The following IMPG1 variants were observed in gnomAD, a reference collection of about 807,000 sequenced individuals.
IMPG1 encodes the protein interphotoreceptor matrix proteoglycan 1.
A neutral mutation model predicts 92.0 loss-of-function variants in IMPG1; 85 were observed. That is an observed-to-expected ratio of 0.92 (90% CI 0.78 to 1.11). The LOEUF is 1.11. IMPG1 is among the 50% of genes least tolerant of loss of function. IMPG1 has a pLI of 0.00. For missense variants in IMPG1, 1,022 were observed against 956.0 expected, an observed-to-expected ratio of 1.07 and a Z score of -0.91; for synonymous variants, 367 against 334.1, an observed-to-expected ratio of 1.10 and a Z score of -1.08.
intron 8 of IMPG1, among the ~76,000 whole-genome samples, chr6:76,010,413 A>G (rs1468303621): frequency 6.6e-6 from 1 of 152,212 alleles, no homozygotes; most frequent in Non-Finnish European, 1.5e-5. Flanking sequence ...GAACTTACAA[A>G]AAAAGATTTA....
At position 76,015,459 on chromosome 6, in the gene IMPG1, G is replaced by C. The variant is rs367789071; in HGVS notation, c.807+3259C>G. On this transcript the variant is annotated intron_variant, in intron 7 of 16. Transcript: ENST00000369950. ...CCAGGGGTCTCTGGAACAAGATTGG[G>C]CAGGATGTACTCTTCTTTGGCTTAT... Among the ~76,000 whole-genome samples, 208 of 152,260 alleles carry C rather than the reference G, an allele frequency of 1.4e-3. 1 individual carries two copies. The highest frequency in any genetic ancestry group is 4.8e-3 in the African/African-American group (199 of 41,538).
At chr6:76,041,443 A>G (rs1406123030) in intron 2 of IMPG1, among the ~76,000 whole-genome samples, 1 of 152,230 alleles carries the variant, frequency 6.6e-6, no homozygotes, top group East Asian at 1.9e-4. Context: ...CTGCTGGATC[A>G]TCAATACACA....
At chr6:75,981,154 A>T (rs1480170341) in intron 12 of IMPG1, among the ~76,000 whole-genome samples, 4 of 152,194 alleles carry the variant, frequency 2.6e-5, no homozygotes, top group African/African-American at 9.7e-5. Flanking sequence ...CATCCTAATG[A>T]TCCACAGGTG....
chr6:76,031,624 C>G (rs1020291085), intron 4 of IMPG1, among the ~76,000 whole-genome samples: 9 of 151,966 alleles, frequency 5.9e-5, no homozygotes, highest in Non-Finnish European at 1.3e-4. Flanking sequence ...TTATGTAGAC[C>G]ATATTTAACA....
At chr6:76,004,776 C>T (rs1037052122) in intron 10 of IMPG1, among the ~76,000 whole-genome samples, 3 of 152,126 alleles carry the variant, frequency 2.0e-5, no homozygotes, top group East Asian at 1.9e-4. Flanking sequence ...TGGCATACAA[C>T]ATTAGGCAAC....
At position 75,930,985 on chromosome 6, in the gene IMPG1, G is replaced by A. The variant is rs138311408; in HGVS notation, c.2211C>T (p.Cys737=). 50 of 1,614,078 alleles carry A rather than the reference G, an allele frequency of 3.1e-5. No homozygotes were observed. The highest frequency in any genetic ancestry group is 1.6e-4 in the Middle Eastern group (1 of 6,084). Residue 737 remains cysteine, a synonymous_variant, in exon 15 of 17, where the codon TGC becomes TGT. Transcript: ENST00000369950. ...PGLCGPGTKE[C]EVLQGKGAPC... ...GAGCTCCCTTTCCCTGGAGGACCTCGCATTCCTTTGTGCCAGGGCCACAGA... is the reference window on the plus strand; with the variant it reads ...GAGCTCCCTTTCCCTGGAGGACCTCACATTCCTTTGTGCCAGGGCCACAGA...
chr6:76,067,021 C>A (rs1398378520), intron 1 of IMPG1, among the ~76,000 whole-genome samples: 1 of 151,680 alleles, frequency 6.6e-6, no homozygotes, highest in African/African-American at 2.4e-5. Flanking sequence ...CACAACATAC[C>A]TCTGGGATAC....
In IMPG1 at chr6:75,989,550, A is replaced by G. The variant is rs559932971; in HGVS notation, c.1291+13368T>C. Among the ~76,000 whole-genome samples, 16 of 152,348 alleles carry G rather than the reference A, an allele frequency of 1.1e-4. No homozygotes were observed. The South Asian group carries it at 3.3e-3, about 32-fold the overall frequency. On this transcript the variant is annotated intron_variant, in intron 12 of 16. Coordinates refer to ENST00000369950, the MANE Select transcript of IMPG1 (RefSeq NM_001563.4). ...GTATATTTTCTTAAACTCTAAGCAT[A>G]TGCACATCTTGGCCGGGTATGGTGG...
intron 14 of IMPG1, among the ~76,000 whole-genome samples, chr6:75,940,205 T>A (rs1191664040): frequency 2.0e-5 from 3 of 152,204 alleles, no homozygotes; most frequent in African/African-American, 4.8e-5. Context: ...CTGGCCATTT[T>A]AAAAAATCTG....
intron 5 of IMPG1, 107 bp from the exon 6 acceptor site, chr6:76,022,326 AT>A: frequency 1.9e-6 from 1 of 537,276 alleles, no homozygotes; most frequent in Non-Finnish European, 3.5e-6. Flanking sequence ...GAATTTACAG[AT>A]ATTAGGTGCC....
chr6:76,054,451 G>T (rs988496119), intron 1 of IMPG1, among the ~76,000 whole-genome samples: 14 of 152,142 alleles, frequency 9.2e-5, no homozygotes, highest in Admixed American at 3.3e-4. Context: ...CCTGTTAAAA[G>T]ACAGTGATTG....
At chr6:75,922,333 A>G (rs774243343) in intron 16 of IMPG1, among the ~76,000 whole-genome samples, 167 bp from the exon 17 acceptor site, 1 of 152,164 alleles carries the variant, frequency 6.6e-6, no homozygotes, top group African/African-American at 2.4e-5. Flanking sequence ...TTTATAACCT[A>G]CTAGAAATGT....
chr6:76,068,006 A>G (rs570029441), intron 1 of IMPG1, among the ~76,000 whole-genome samples: 3 of 152,178 alleles, frequency 2.0e-5, no homozygotes. Context: ...AATAAAAGCC[A>G]TCAAGAAACT....
At chr6:76,003,366 A>G (rs1783033460) in intron 11 of IMPG1, among the ~76,000 whole-genome samples, 1 of 152,240 alleles carries the variant, frequency 6.6e-6, no homozygotes, top group Non-Finnish European at 1.5e-5. Context: ...CATAAATTAA[A>G]TAAACATAGG....
intron 14 of IMPG1, among the ~76,000 whole-genome samples, chr6:75,943,133 A>G (rs988770878): frequency 1.3e-5 from 2 of 152,004 alleles, no homozygotes; most frequent in African/African-American, 4.8e-5. Context: ...GGTGTTTGTG[A>G]ATCTGTGTTT....
intron 1 of IMPG1, among the ~76,000 whole-genome samples, chr6:76,046,147 A>T (rs2127595272): frequency 6.6e-6 from 1 of 152,262 alleles, no homozygotes; most frequent in African/African-American, 2.4e-5. Context: ...GATAACTTCC[A>T]TATATCAGTC....
intron 1 of IMPG1, among the ~76,000 whole-genome samples, chr6:76,050,330 C>T (rs1784019722): frequency 6.6e-6 from 1 of 152,078 alleles, no homozygotes; most frequent in African/African-American, 2.4e-5. Context: ...GTAATCCCAG[C>T]TACTTGGGAG....
At chr6:75,941,113 G>A (rs1056417397) in intron 14 of IMPG1, among the ~76,000 whole-genome samples, 5 of 138,584 alleles carry the variant, frequency 3.6e-5, no homozygotes, top group Non-Finnish European at 4.9e-5. Context: ...CTTGGGGGCA[G>A]AGATGGGGTC....
At chr6:76,064,572 C>T (rs1225844649) in intron 1 of IMPG1, among the ~76,000 whole-genome samples, 1 of 151,982 alleles carries the variant, frequency 6.6e-6, no homozygotes, top group African/African-American at 2.4e-5. Context: ...GGGAGCTTCC[C>T]TTGCCACCCC....
Sources: allele counts gnomAD v4.1 joint callset (sites outside exome capture counted in the v4.1 genomes callset), GRCh38; gene constraint gnomAD v4.1.1; transcripts MANE v1.5; gene names NCBI Gene and HGNC (gene_info 2026-07-23, HGNC 2026-07-21).